MAPKAP1: variants seen among roughly 807,000 people sequenced by gnomAD.
The protein encoded by MAPKAP1 is target of rapamycin complex 2 subunit MAPKAP1.
MAPKAP1 carries 20 observed loss-of-function variants against 65.7 expected under a neutral mutation model. The observed-to-expected ratio is 0.30, with a 90% CI of 0.21 to 0.44. The LOEUF (loss-of-function observed/expected upper bound fraction) is 0.44, where lower values mean the gene tolerates loss of function less well. MAPKAP1 is among the 20% of genes least tolerant of loss of function. The probability of loss-of-function intolerance (pLI) is 1.00; values close to 1 mark genes in which losing one functional copy is unlikely to be tolerated. For missense variants in MAPKAP1, 423 were observed against 648.0 expected, an observed-to-expected ratio of 0.65 and a Z score of 3.77; for synonymous variants, 222 against 244.3, an observed-to-expected ratio of 0.91 and a Z score of 0.85.
chr9:125,627,650 C>T (rs1340836153), intron 4 of MAPKAP1, among the ~76,000 whole-genome samples: 1 of 152,148 alleles, frequency 6.6e-6, no homozygotes, highest in Non-Finnish European at 1.5e-5. Context: ...TCTCGAGTAG[C>T]TGGGACTACA....
At chr9:125,630,014 G>A (rs893748431) in intron 4 of MAPKAP1, among the ~76,000 whole-genome samples, 1 of 152,166 alleles carries the variant, frequency 6.6e-6, no homozygotes, top group Non-Finnish European at 1.5e-5. Flanking sequence ...GGATGGAAGT[G>A]CACTGAGAGG....
In MAPKAP1 at chr9:125,595,650, GTCTCTCTTCT is replaced by G; in HGVS notation, c.499-9933_499-9924del. On this transcript the variant is annotated intron_variant, in intron 4 of 11. Transcript: ENST00000265960. This position sits in a 1 kb window ranked among gnomAD's most constrained non-coding sequence, Gnocchi z 4.0. Reference sequence around the variant, plus strand: ...GACACGCCAAGGAAGCATCGTTAAAGTCTCTCTTCTCCCTGCCGTCCTAAGTCAGAGTCTC... The same window carrying G: ...GACACGCCAAGGAAGCATCGTTAAAGCCCTGCCGTCCTAAGTCAGAGTCTC... The G allele has an allele frequency of 6.8e-7, 1 of 1,478,762 alleles. No individual in the cohort carries two copies. The highest frequency in any genetic ancestry group is 8.9e-7 in the Non-Finnish European group (1 of 1,119,796). 91.6% of individuals were successfully genotyped at this position (1,478,762 alleles called of 1,614,324 possible). A position where few individuals can be genotyped will look rare whatever the true frequency, so the allele number is the denominator to read the frequency against.
rs1852769464 is a variant in MAPKAP1 at position 125,447,683 on chromosome 9, C to T, written c.1346-3085G>A. 6.6e-6 allele frequency among the ~76,000 whole-genome samples: 1 copy of T among 152,156 alleles called. No homozygotes were observed. The highest frequency in any genetic ancestry group is 6.5e-5 in the Admixed American group (1 of 15,284). Reference sequence around the variant, plus strand: ...AGAGCAAAGGACAGAGAAATGAACACCGAGAGTCAAATATGATGAGCGTGA... The same window carrying T: ...AGAGCAAAGGACAGAGAAATGAACATCGAGAGTCAAATATGATGAGCGTGA... On this transcript the variant is annotated intron_variant, in intron 10 of 11. Coordinates refer to ENST00000265960, the MANE Select transcript of MAPKAP1 (RefSeq NM_001006617.3). This position sits in a 1 kb window ranked among gnomAD's most constrained non-coding sequence, Gnocchi z 4.5.
chr9:125,686,160 C>A (rs1416475763), intron 1 of MAPKAP1, among the ~76,000 whole-genome samples: 1 of 151,678 alleles, frequency 6.6e-6, no homozygotes, highest in East Asian at 1.9e-4. Context: ...ACTAAAAATA[C>A]AAAAATAAAA....
In MAPKAP1 at chr9:125,503,528, G is replaced by A. The variant is rs141158469; in HGVS notation, c.1066+2782C>T. 4.0e-3 allele frequency among the ~76,000 whole-genome samples: 604 copies of A among 152,302 alleles called. 9 individuals carry two copies. The highest frequency in any genetic ancestry group is 0.014 in the African/African-American group (569 of 41,562). On this transcript the variant is annotated intron_variant, in intron 8 of 11. Transcript: ENST00000265960. ...GCTTTTTAAGTTACCTTCAGTGGAA[G>A]AGTTGGTTCAAATTACTTAGTCTGC...
intron 1 of MAPKAP1, among the ~76,000 whole-genome samples, chr9:125,674,819 G>A (rs1834598049): frequency 6.6e-6 from 1 of 152,124 alleles, no homozygotes; most frequent in Non-Finnish European, 1.5e-5. Context: ...GCAAAGGTGA[G>A]TAAGGTATCC....
rs745690068 is a variant in MAPKAP1 at position 125,636,055 on chromosome 9, G to T, written c.498+21596C>A. ...GTGTAATGGGAACAGCTGCTGCTTTGAAGTGCCTTCTCCTAAAGGACACAC... is the reference window on the plus strand; with the variant it reads ...GTGTAATGGGAACAGCTGCTGCTTTTAAGTGCCTTCTCCTAAAGGACACAC... On this transcript the variant is annotated intron_variant, in intron 4 of 11. Transcript: ENST00000265960. Among the ~76,000 whole-genome samples the T allele has an allele frequency of 2.0e-5, 3 of 152,180 alleles. No individual in the cohort carries two copies. In the South Asian group the frequency reaches 6.2e-4, roughly 32 times the overall value.
At chr9:125,703,475 G>GA (rs1835664109) in intron 1 of MAPKAP1, among the ~76,000 whole-genome samples, 3 of 152,126 alleles carry the variant, frequency 2.0e-5, no homozygotes, top group African/African-American at 4.8e-5. Context: ...CTCCCATAGG[G>GA]AAAAAACGTA....
rs2131601193 is a variant in MAPKAP1, at chr9:125,596,671, G to A, written c.499-10944C>T. ...AGCTTAACAGGAGAGGAGAGCCAGA[G>A]AAGTGACAGCGAAGCTACAGGTTAC... On this transcript the variant is annotated intron_variant, in intron 4 of 11. Coordinates refer to ENST00000265960, the MANE Select transcript of MAPKAP1 (RefSeq NM_001006617.3). 2.0e-5 allele frequency: 12 copies of A among 585,604 alleles called. 1 individual carries two copies. Among genetic ancestry groups the A allele is most frequent in the South Asian group, 1.4e-4 (10 of 69,362 alleles). 36.3% of individuals were successfully genotyped at this position (585,604 alleles called of 1,614,324 possible). A position where few individuals can be genotyped will look rare whatever the true frequency, so the allele number is the denominator to read the frequency against.
intron 2 of MAPKAP1, among the ~76,000 whole-genome samples, chr9:125,670,260 G>T (rs1834457693): frequency 6.6e-6 from 1 of 151,990 alleles, no homozygotes; most frequent in South Asian, 2.1e-4. Flanking sequence ...GAACTGAAGT[G>T]AATATTACAT....
chr9:125,647,631 G>A (rs189442282), intron 4 of MAPKAP1, among the ~76,000 whole-genome samples: 3 of 152,184 alleles, frequency 2.0e-5, no homozygotes, highest in South Asian at 4.1e-4. Context: ...CACTGGGCAC[G>A]ATCATTCATG....
At chr9:125,596,504 A>T (rs578081406) in intron 4 of MAPKAP1, 1 of 736,738 alleles carries the variant, frequency 1.4e-6, no homozygotes, top group African/African-American at 1.7e-5. Context: ...ATGAAAGGAA[A>T]CTTTGGAGGC....
chr9:125,694,057 G>A (rs966618895), intron 1 of MAPKAP1, among the ~76,000 whole-genome samples: 15 of 151,696 alleles, frequency 9.9e-5, no homozygotes, highest in East Asian at 1.9e-4. Flanking sequence ...GGTTGGGCAC[G>A]GTGGCTCATG....
intron 4 of MAPKAP1, among the ~76,000 whole-genome samples, chr9:125,620,263 G>C (rs139014825): frequency 1.3e-5 from 2 of 152,036 alleles, no homozygotes; most frequent in African/African-American, 4.8e-5. Context: ...AGCTGAGATC[G>C]CACCACTGCA....
At chr9:125,688,402 T>A (rs1835054745) in intron 1 of MAPKAP1, among the ~76,000 whole-genome samples, 1 of 152,124 alleles carries the variant, frequency 6.6e-6, no homozygotes. Flanking sequence ...CCTCCCAAAG[T>A]ACGGGGGTTA....
chr9:125,541,068 ATG>A lies in MAPKAP1; in HGVS notation c.958+1989_958+1990del, dbSNP rs573291171. On this transcript the variant is annotated intron_variant, in intron 7 of 11. Coordinates refer to ENST00000265960, the MANE Select transcript of MAPKAP1 (RefSeq NM_001006617.3). ...AGAAAACGGACAGTAATTTATGTAA[ATG>A]TATCAATCTCAATTGGCTTCTCTTG... is the stretch of plus-strand genomic sequence containing the variant. Among the ~76,000 whole-genome samples, 750 of 152,340 alleles carry A rather than the reference ATG, an allele frequency of 4.9e-3. 7 individuals carry two copies. Among genetic ancestry groups the A allele is most frequent in the Non-Finnish European group, 6.8e-3 (462 of 68,036 alleles).
chr9:125,491,754 CT>C (rs1854739321), intron 8 of MAPKAP1, among the ~76,000 whole-genome samples: 1 of 150,814 alleles, frequency 6.6e-6, no homozygotes, highest in South Asian at 2.1e-4. Context: ...GCATTCTAGC[CT>C]TGTGACAGAG....
At chr9:125,440,877 C>T (rs1852455655) in intron 11 of MAPKAP1, among the ~76,000 whole-genome samples, 2 of 152,178 alleles carry the variant, frequency 1.3e-5, no homozygotes, top group Non-Finnish European at 2.9e-5. Context: ...GCACACTCAG[C>T]CAACCTAGTG....
intron 5 of MAPKAP1, among the ~76,000 whole-genome samples, chr9:125,568,500 C>T (rs932105781): frequency 6.6e-6 from 1 of 152,188 alleles, no homozygotes; most frequent in East Asian, 1.9e-4. Flanking sequence ...ACCTTCCCCA[C>T]CCTGCCACAG....
Sources: gnomAD v4.1 joint callset for allele counts (sites outside exome capture counted in the v4.1 genomes callset) on GRCh38, gnomAD v4.1.1 for gene constraint, Gnocchi (gnomAD v3.1) non-coding constraint, MANE v1.5 for transcripts, NCBI Gene and HGNC (gene_info 2026-07-23, HGNC 2026-07-21) for gene names.